The following LRP1B variants were observed in gnomAD, a reference collection of about 807,000 sequenced individuals.
LRP1B encodes LDL receptor related protein 1B.
Under a neutral mutation model 556.6 loss-of-function variants are expected in LRP1B, and 217 were observed. The observed-to-expected ratio is 0.39, with a 90% CI of 0.35 to 0.44. LRP1B has a LOEUF of 0.44. Among genes scored for constraint, LRP1B ranks in the 20% least tolerant of loss-of-function variants. The pLI is 1.00. For missense variants in LRP1B, 5,053 were observed against 5,620.8 expected (o/e 0.90, Z 3.23); for synonymous variants, 2,047 against 1,865.8 (o/e 1.10, Z -2.50).
chr2:141,514,869 A>G (rs193122101), intron 2 of LRP1B, among the ~76,000 whole-genome samples: 3 of 152,286 alleles, frequency 2.0e-5, no homozygotes, highest in Admixed American at 2.0e-4. Context: ...TTGTTTGGTT[A>G]TTTGAAGTAC....
intron 59 of LRP1B, among the ~76,000 whole-genome samples, chr2:140,484,670 G>A (rs1354846655): frequency 6.6e-6 from 1 of 152,134 alleles, no homozygotes; most frequent in Non-Finnish European, 1.5e-5. Flanking sequence ...ATAATTGAAA[G>A]TGAATTATAA....
Position 142,127,304 on chromosome 2 carries a change from AT to A in LRP1B, c.82+3343del, listed in dbSNP as rs77980168. On this transcript the variant is annotated intron_variant, in intron 1 of 90. Coordinates refer to ENST00000389484, the MANE Select transcript of LRP1B (RefSeq NM_018557.3). ...TGAGATAAAAACATTTTAAGAAATT[AT>A]TTTGTCTAAAGATATTTTAACCTAT... Among the ~76,000 whole-genome samples, 38 of 151,918 alleles carry A rather than the reference AT, an allele frequency of 2.5e-4. No individual in the cohort carries two copies. The East Asian group carries it at 7.3e-3, about 29-fold the overall frequency.
chr2:140,688,771 C>G (rs1248885422), intron 41 of LRP1B, among the ~76,000 whole-genome samples: 1 of 152,210 alleles, frequency 6.6e-6, no homozygotes, highest in Non-Finnish European at 1.5e-5. Flanking sequence ...CTGAGACCAT[C>G]TCAAGGCATC....
chr2:141,610,731 T>C (rs1440582960), intron 2 of LRP1B, among the ~76,000 whole-genome samples: 1 of 152,198 alleles, frequency 6.6e-6, no homozygotes. Context: ...TTTTCTGACA[T>C]TCAGAATGAT....
chr2:141,076,310 TC>T (rs1184321374), intron 7 of LRP1B, among the ~76,000 whole-genome samples: 1 of 152,190 alleles, frequency 6.6e-6, no homozygotes, highest in African/African-American at 2.4e-5. Flanking sequence ...CTTCAGGGGT[TC>T]CATCAACAAC....
In LRP1B at chr2:140,868,137, C is replaced by T. The variant is rs2105156042; in HGVS notation, c.4296G>A (p.Val1432=). The change falls in exon 26 of 91, where the codon GTG becomes GTA. Residue 1432 remains valine (V), a synonymous_variant. Coordinates refer to ENST00000389484, the MANE Select transcript of LRP1B (RefSeq NM_018557.3). The part of the protein sequence containing the change: ...KTGAWPNGLT[V]DHFEKRIVWT... ...ACACTATCCTTTTCTCAAAGTGGTC[C>T]ACAGTTAGTCCATTAGGCCAAGCCC... 2 of 1,609,310 alleles carry T rather than the reference C, an allele frequency of 1.2e-6. No individual in the cohort carries two copies. Among genetic ancestry groups the T allele is most frequent in the Non-Finnish European group, 1.7e-6 (2 of 1,178,128 alleles).
intron 43 of LRP1B, among the ~76,000 whole-genome samples, chr2:140,571,735 T>C (rs1364828623): frequency 6.6e-6 from 1 of 151,720 alleles, no homozygotes; most frequent in Non-Finnish European, 1.5e-5. Context: ...GATAAAGACA[T>C]CACAAAACCT....
At chr2:140,486,735 C>T (rs1214767476) in intron 58 of LRP1B, among the ~76,000 whole-genome samples, 1 of 151,828 alleles carries the variant, frequency 6.6e-6, no homozygotes, top group Admixed American at 6.6e-5. Context: ...TTTGTTCCAT[C>T]TAACCATTGG....
chr2:141,645,785 T>A (rs995021930), intron 2 of LRP1B, among the ~76,000 whole-genome samples: 5 of 152,004 alleles, frequency 3.3e-5, no homozygotes, highest in Admixed American at 2.6e-4. Context: ...GAGTAGTTTT[T>A]CAAACAACGT....
chr2:141,513,606 T>C (rs1028098263), intron 2 of LRP1B, among the ~76,000 whole-genome samples: 5 of 152,182 alleles, frequency 3.3e-5, no homozygotes, highest in African/African-American at 1.2e-4. Flanking sequence ...TTATGACAGA[T>C]AACTAGTTAT....
chr2:140,900,298 A>C (rs1694068387), intron 23 of LRP1B, among the ~76,000 whole-genome samples: 1 of 152,252 alleles, frequency 6.6e-6, no homozygotes, highest in African/African-American at 2.4e-5. Flanking sequence ...AAACATCTGG[A>C]GCCAATTCTC....
intron 2 of LRP1B, among the ~76,000 whole-genome samples, chr2:141,589,142 G>T (rs946158919): frequency 1.3e-5 from 2 of 152,064 alleles, no homozygotes; most frequent in Non-Finnish European, 2.9e-5. Flanking sequence ...GCAGTATTGA[G>T]TTATGAGTTA....
chr2:142,032,751 A>G (rs1703751284), intron 1 of LRP1B, among the ~76,000 whole-genome samples: 1 of 151,720 alleles, frequency 6.6e-6, no homozygotes, highest in South Asian at 2.1e-4. Flanking sequence ...AAATTTAGGG[A>G]CCATCTTGGG....
intron 1 of LRP1B, among the ~76,000 whole-genome samples, chr2:142,111,147 T>G (rs1706973073): frequency 6.6e-6 from 1 of 152,122 alleles, no homozygotes; most frequent in South Asian, 2.1e-4. Context: ...CAGAAAAGTA[T>G]GTATGTAATA....
At chr2:141,349,517 C>G (rs1288270053) in intron 3 of LRP1B, among the ~76,000 whole-genome samples, 1 of 151,940 alleles carries the variant, frequency 6.6e-6, no homozygotes, top group Non-Finnish European at 1.5e-5. Context: ...TTACTAAAAC[C>G]CTATTGATAA....
chr2:140,987,939 A>G (rs1267510987), intron 17 of LRP1B, among the ~76,000 whole-genome samples: 1 of 152,090 alleles, frequency 6.6e-6, no homozygotes, highest in Non-Finnish European at 1.5e-5. Context: ...AGCTGAGATC[A>G]TGCCACTGTA....
chr2:141,415,734 CT>C (rs35307021), intron 3 of LRP1B, among the ~76,000 whole-genome samples: 43,383 of 151,450 alleles, frequency 0.29, 7,512 homozygotes, highest in East Asian at 0.53. Context: ...CATTTCAGTT[CT>C]TTTTTTTTAA....
chr2:142,045,955 G>T (rs542299544), intron 1 of LRP1B, among the ~76,000 whole-genome samples: 1 of 151,934 alleles, frequency 6.6e-6, no homozygotes, highest in East Asian at 2.0e-4. Context: ...AATATCCAAG[G>T]TGAAACATGG....
chr2:140,549,777 A>G (rs2105044674), intron 43 of LRP1B, among the ~76,000 whole-genome samples: 1 of 152,108 alleles, frequency 6.6e-6, no homozygotes, highest in African/African-American at 2.4e-5. Flanking sequence ...CACAGAGATC[A>G]TGGGGAGATG....
Sources: gnomAD v4.1 joint callset for allele counts (sites outside exome capture counted in the v4.1 genomes callset) on GRCh38, gnomAD v4.1.1 for gene constraint, MANE v1.5 for transcripts, NCBI Gene and HGNC (gene_info 2026-07-23, HGNC 2026-07-21) for gene names.